RAPGEF5: variants seen among roughly 807,000 people sequenced by gnomAD.
RAPGEF5 encodes the protein M-Ras-regulated GEF.
A neutral mutation model predicts 125.2 loss-of-function variants in RAPGEF5; 65 were observed. That is an observed-to-expected ratio of 0.52 (90% confidence interval 0.43 to 0.64). The LOEUF is 0.64. RAPGEF5 is among the 30% of genes least tolerant of loss of function. The pLI is 0.00. For synonymous variants in RAPGEF5, 391 were observed against 385.9 expected (o/e 1.01, Z -0.16); for missense variants, 958 against 1,048.1 (o/e 0.91, Z 1.19).
At chr7:22,201,757 T>A (rs956888060) in intron 9 of RAPGEF5, among the ~76,000 whole-genome samples, 12 of 152,354 alleles carry the variant, frequency 7.9e-5, no homozygotes, top group African/African-American at 2.9e-4. Flanking sequence ...CTGTTTATCA[T>A]AAAAGCTTAA....
At chr7:22,131,155 A>G (rs779005994) in intron 23 of RAPGEF5, 54 bp from the exon 24 acceptor site, 8 of 1,480,898 alleles carry the variant, frequency 5.4e-6, no homozygotes, top group African/African-American at 1.4e-5. Flanking sequence ...ATCATGAGTC[A>G]GGGCTGAAGA....
chr7:22,182,097 T>A (rs1413729011), intron 11 of RAPGEF5, among the ~76,000 whole-genome samples: 8 of 152,202 alleles, frequency 5.3e-5, no homozygotes, highest in African/African-American at 1.9e-4. Context: ...CTATCTGAAG[T>A]ACACACTCTT....
intron 8 of RAPGEF5, among the ~76,000 whole-genome samples, chr7:22,222,074 C>T (rs533187083): frequency 6.6e-6 from 1 of 152,078 alleles, no homozygotes; most frequent in Non-Finnish European, 1.5e-5. Flanking sequence ...TGGTGAAACC[C>T]CGTCTCTACT....
chr7:22,217,353 G>C (rs933594779), intron 9 of RAPGEF5, among the ~76,000 whole-genome samples: 1 of 152,174 alleles, frequency 6.6e-6, no homozygotes, highest in African/African-American at 2.4e-5. Context: ...GCAGATGACT[G>C]CTACTGTAAA....
At chr7:22,280,190 T>C (rs372376859) in intron 6 of RAPGEF5, among the ~76,000 whole-genome samples, 1 of 151,964 alleles carries the variant, frequency 6.6e-6, no homozygotes, top group Non-Finnish European at 1.5e-5. Context: ...AATGGCCTCA[T>C]ACAGGAAAAA....
intron 6 of RAPGEF5, among the ~76,000 whole-genome samples, chr7:22,287,220 A>T (rs751127678): frequency 2.5e-4 from 38 of 152,220 alleles, no homozygotes; most frequent in Non-Finnish European, 5.1e-4. Context: ...ACCACTAGAA[A>T]CATGGCTGGA....
intron 18 of RAPGEF5, among the ~76,000 whole-genome samples, chr7:22,147,959 G>C (rs957303792): frequency 6.6e-6 from 1 of 152,138 alleles, no homozygotes; most frequent in Non-Finnish European, 1.5e-5. Context: ...TGATGAAAAC[G>C]TTTCCTATTT....
intron 7 of RAPGEF5, among the ~76,000 whole-genome samples, chr7:22,264,973 T>A (rs1782247197): frequency 6.6e-6 from 1 of 151,980 alleles, no homozygotes; most frequent in Admixed American, 6.6e-5. Context: ...TCCTGCAATC[T>A]TTTTTTTAGA....
At chr7:22,268,774 G>T (rs991740500) in intron 6 of RAPGEF5, among the ~76,000 whole-genome samples, 6 of 152,154 alleles carry the variant, frequency 3.9e-5, no homozygotes, top group African/African-American at 1.4e-4. Flanking sequence ...TTCCACACCT[G>T]AATTCCCTTT....
At chr7:22,262,086 CT>C (rs1288017964) in intron 7 of RAPGEF5, among the ~76,000 whole-genome samples, 1 of 152,092 alleles carries the variant, frequency 6.6e-6, no homozygotes, top group African/African-American at 2.4e-5. Context: ...ACCCTTTGAT[CT>C]GTGAAAGACT....
At chr7:22,347,179 C>T (rs1784238773) in intron 1 of RAPGEF5, among the ~76,000 whole-genome samples, 1 of 152,086 alleles carries the variant, frequency 6.6e-6, no homozygotes, top group Non-Finnish European at 1.5e-5. Flanking sequence ...TTCAACATTA[C>T]TCTAAGGCTA....
At chr7:22,309,612 T>C (rs907449391) in intron 4 of RAPGEF5, among the ~76,000 whole-genome samples, 9 of 152,218 alleles carry the variant, frequency 5.9e-5, no homozygotes, top group Non-Finnish European at 1.3e-4. Flanking sequence ...AATCAGTTTC[T>C]GATGATTATC....
At chr7:22,186,716 TCA>T (rs1009975432) in intron 11 of RAPGEF5, among the ~76,000 whole-genome samples, 54 of 152,334 alleles carry the variant, frequency 3.5e-4, no homozygotes, top group Non-Finnish European at 7.1e-4. Context: ...TAACTAAAAT[TCA>T]CAGTTACATT....
chr7:22,357,084 G>T lies in RAPGEF5; in HGVS notation c.-24C>A. The T allele has an allele frequency of 9.8e-7, 1 of 1,019,964 alleles. No individual in the cohort carries two copies. The highest frequency in any genetic ancestry group is 1.2e-6 in the Non-Finnish European group (1 of 850,510). The allele number at this position is 1,019,964 out of a possible 1,614,324, so 63.2% of individuals were successfully genotyped here. A position where few individuals can be genotyped will look rare whatever the true frequency, so the allele number is the denominator to read the frequency against. ...ATGCCCTGACGGCGCTGCGGCGCCG[G>T]GGGCTCCTCTCCACCGCGCTCGCCT... On this transcript the variant is annotated 5_prime_UTR_variant, in exon 1 of 26. Transcript: ENST00000665637.
intron 11 of RAPGEF5, among the ~76,000 whole-genome samples, chr7:22,181,405 C>A (rs1784669435): frequency 6.6e-6 from 1 of 152,136 alleles, no homozygotes; most frequent in Non-Finnish European, 1.5e-5. Context: ...TAGCAATATC[C>A]AGCCAGGTAT....
chr7:22,317,482 T>G (rs575284965), intron 2 of RAPGEF5, among the ~76,000 whole-genome samples: 48 of 152,168 alleles, frequency 3.2e-4, no homozygotes, highest in Non-Finnish European at 4.4e-5. Context: ...CCTCGTGATC[T>G]GCCCACCTCA....
intron 4 of RAPGEF5, among the ~76,000 whole-genome samples, chr7:22,308,716 C>T (rs1783402475): frequency 6.6e-6 from 1 of 152,082 alleles, no homozygotes; most frequent in Non-Finnish European, 1.5e-5. Context: ...AAGCTCTGGC[C>T]AGCATATTCA....
intron 3 of RAPGEF5, among the ~76,000 whole-genome samples, chr7:22,311,052 G>T (rs938974615): frequency 2.0e-5 from 3 of 152,078 alleles, no homozygotes; most frequent in Non-Finnish European, 2.9e-5. Context: ...TTGAGACAGG[G>T]TCATACTCTA....
At chr7:22,272,070 G>C (rs1185786064) in intron 6 of RAPGEF5, among the ~76,000 whole-genome samples, 1 of 152,068 alleles carries the variant, frequency 6.6e-6, no homozygotes, top group African/African-American at 2.4e-5. Context: ...TGGGCCGGGC[G>C]CGGTGGCTCA....
Sources: allele counts gnomAD v4.1 joint callset (sites outside exome capture counted in the v4.1 genomes callset), GRCh38; gene constraint gnomAD v4.1.1; transcripts MANE v1.5; gene names NCBI Gene and HGNC (gene_info 2026-07-23, HGNC 2026-07-21).